SLC12A2: variants seen among roughly 807,000 people sequenced by gnomAD.
The protein encoded by SLC12A2 is solute carrier family 12 member 2, also known as Na-K-2Cl cotransporter 1.
SLC12A2 carries 67 observed loss-of-function variants against 136.3 expected under a neutral mutation model. The ratio of observed to expected loss-of-function variants is 0.49; its 90% CI spans 0.40 to 0.60. SLC12A2 has a LOEUF of 0.60. Ranked by LOEUF, SLC12A2 falls within the 20% of genes least tolerant of loss-of-function variation. The pLI, the probability that SLC12A2 is intolerant of heterozygous loss-of-function variation, is 0.00. For synonymous variants in SLC12A2, 619 were observed against 562.9 expected (o/e 1.10, Z -1.41); for missense variants, 1,322 against 1,534.7 (o/e 0.86, Z 2.32).
At chr5:128,120,337 G>GGGTAAAT (rs1332007659) in intron 4 of SLC12A2, among the ~76,000 whole-genome samples, 1 of 118,684 alleles carries the variant, frequency 8.4e-6, no homozygotes, top group African/African-American at 3.3e-5. Context: ...AATACCATTT[G>GGGTAAAT]ACCCAGCCAT....
chr5:128,107,041 A>G (rs1760963572), intron 1 of SLC12A2, among the ~76,000 whole-genome samples: 1 of 152,090 alleles, frequency 6.6e-6, no homozygotes. Context: ...ATGGTGAAAG[A>G]TAAGGGAACT....
At chr5:128,130,859 A>G (rs890441709) in intron 4 of SLC12A2, among the ~76,000 whole-genome samples, 2 of 152,186 alleles carry the variant, frequency 1.3e-5, no homozygotes, top group African/African-American at 4.8e-5. Context: ...TATTGGGAGC[A>G]TTATCTGGAT....
Position 128,084,247 on chromosome 5 carries a change from C to A in SLC12A2, c.293C>A (p.Ala98Glu). ...ENAGRAAAAAAAAAAAAAAAG... is the reference protein window; with the variant it reads ...ENAGRAAAAAEAAAAAAAAAG... ...GCCGGGCGGGCCGCTGCTGCGGCGG[C>A]GGCGGCGGCGGCGGCAGCGGCGGCG... The change falls in exon 1 of 27, where the codon GCG becomes GAG. Residue 98 changes from alanine (A) to glutamate (E), a missense_variant. Physicochemically the swap from Ala to Glu is moderately radical, Grantham distance 107 (BLOSUM62 -1). Transcript: ENST00000262461. This position sits in a 1 kb window ranked among gnomAD's most constrained non-coding sequence, Gnocchi z 5.6. 1 of 1,232,142 alleles carries A rather than the reference C, an allele frequency of 8.1e-7. No homozygotes were observed. The highest frequency in any genetic ancestry group is 1.0e-6 in the Non-Finnish European group (1 of 982,098). The allele number at this position is 1,232,142 out of a possible 1,614,324, so 76.3% of individuals were successfully genotyped here. A position where few individuals can be genotyped will look rare whatever the true frequency, so the allele number is the denominator to read the frequency against.
intron 19 of SLC12A2, among the ~76,000 whole-genome samples, chr5:128,172,215 A>G (rs1355506685): frequency 6.6e-6 from 1 of 152,176 alleles, no homozygotes; most frequent in Non-Finnish European, 1.5e-5. Flanking sequence ...TTTTTAATTT[A>G]AAAATATTTA....
intron 4 of SLC12A2, among the ~76,000 whole-genome samples, chr5:128,119,142 A>G (rs1235731991): frequency 1.3e-5 from 2 of 152,120 alleles, no homozygotes; most frequent in Admixed American, 6.5e-5. Flanking sequence ...CCTACCTTGT[A>G]AGGGCTACTT....
At position 128,136,975 on chromosome 5, in the gene SLC12A2, C is replaced by T. The variant is rs534134865; in HGVS notation, c.1408+1167C>T. Among the ~76,000 whole-genome samples, 8 of 152,184 alleles carry T rather than the reference C, an allele frequency of 5.3e-5. No homozygotes were observed. In the East Asian group the frequency reaches 1.2e-3, roughly 22 times the overall value. ...CTGAAACCAGGATCTTAGTGTTTCCCGTCCTACCTGCTCCTCTTAATTTCT... is the reference window on the plus strand; with the variant it reads ...CTGAAACCAGGATCTTAGTGTTTCCTGTCCTACCTGCTCCTCTTAATTTCT... On this transcript the variant is annotated intron_variant, in intron 7 of 26. Transcript: ENST00000262461.
intron 16 of SLC12A2, among the ~76,000 whole-genome samples, chr5:128,158,784 T>A (rs977874745): frequency 2.6e-5 from 4 of 152,158 alleles, no homozygotes; most frequent in Non-Finnish European, 5.9e-5. Flanking sequence ...CAAACTGCTT[T>A]CCATAGTGGC....
At chr5:128,089,668 T>C (rs973983477) in intron 1 of SLC12A2, among the ~76,000 whole-genome samples, 2 of 152,238 alleles carry the variant, frequency 1.3e-5, no homozygotes, top group African/African-American at 4.8e-5. Context: ...CACTAGCATC[T>C]GTATAAGTGT....
At chr5:128,099,260 ATGT>A (rs1760659249) in intron 1 of SLC12A2, among the ~76,000 whole-genome samples, 6 of 152,172 alleles carry the variant, frequency 3.9e-5, no homozygotes, top group Admixed American at 3.3e-4. Context: ...TCTGTACAGC[ATGT>A]TACTGTACAT....
chr5:128,171,642 T>A (rs774385227), intron 18 of SLC12A2, 25 bp from the exon 19 acceptor site: 1 of 1,519,106 alleles, frequency 6.6e-7, no homozygotes, highest in Admixed American at 2.2e-5. Context: ...TTTGGTTTTT[T>A]CATTTTTTGT....
In SLC12A2 at chr5:128,104,654, T is replaced by TATATATAG. The variant is rs1014170798; in HGVS notation, c.757-8138_757-8131dup. 1.3e-4 allele frequency among the ~76,000 whole-genome samples: 17 copies of TATATATAG among 135,970 alleles called. No individual in the cohort carries two copies. In the South Asian group the frequency reaches 1.3e-3, roughly 11 times the overall value. 89.2% of individuals were successfully genotyped at this position (135,970 alleles called of 152,430 possible). On this transcript the variant is annotated intron_variant, in intron 1 of 26. Coordinates refer to ENST00000262461, the MANE Select transcript of SLC12A2 (RefSeq NM_001046.3). Reference sequence around the variant, plus strand: ...CTCAAAAAAAAGAAAAAAAAATATATATATATAGATATATAGATATATAGA... The same window carrying TATATATAG: ...CTCAAAAAAAAGAAAAAAAAATATATATATATAGATATATAGATATATAGATATATAGA...
At position 128,180,919 on chromosome 5, in the gene SLC12A2, A is replaced by C; in HGVS notation, c.3137A>C (p.Lys1046Thr). The C allele has an allele frequency of 1.9e-6, 3 of 1,612,226 alleles. No homozygotes were observed. The South Asian group carries it at 3.3e-5, about 18-fold the overall frequency. Residue 1046 changes from lysine (K) to threonine (T), a missense_variant, in exon 23 of 27, where the codon AAG (lysine) becomes ACG (threonine). Physicochemically the swap from Lys to Thr is moderately conservative, Grantham distance 78. Around this residue, in one of 8 missense-constraint regions of SLC12A2, gnomAD observed 172 missense variants for 227.4 expected, o/e 0.76. Coordinates refer to ENST00000262461, the MANE Select transcript of SLC12A2 (RefSeq NM_001046.3). Reference sequence around the variant, plus strand: ...TTGATACCTTACCTTCTGACGACCAAGAAAAAATGGAAAGACTGTAAGATC... The same window carrying C: ...TTGATACCTTACCTTCTGACGACCACGAAAAAATGGAAAGACTGTAAGATC... The part of the protein sequence containing the change: ...TLLIPYLLTT[K>T]KKWKDCKIRV...
Position 128,110,644 on chromosome 5 carries a change from G to A in SLC12A2, c.757-2170G>A, listed in dbSNP as rs748145210. 6 of 1,143,994 alleles carry A rather than the reference G, an allele frequency of 5.2e-6. No homozygotes were observed. The East Asian group carries it at 1.2e-4, about 22-fold the overall frequency. 70.9% of individuals were successfully genotyped at this position (1,143,994 alleles called of 1,614,324 possible). On this transcript the variant is annotated intron_variant, in intron 1 of 26. Coordinates refer to ENST00000262461, the MANE Select transcript of SLC12A2 (RefSeq NM_001046.3). ...ATATTTACTAGTTAGTGACAGTGTTGTGCTGAAGCCAAGACTCCGTCTACT... is the reference window on the plus strand; with the variant it reads ...ATATTTACTAGTTAGTGACAGTGTTATGCTGAAGCCAAGACTCCGTCTACT...
intron 4 of SLC12A2, among the ~76,000 whole-genome samples, chr5:128,119,018 T>A (rs1761456543): frequency 6.6e-6 from 1 of 152,146 alleles, no homozygotes; most frequent in South Asian, 2.1e-4. Context: ...AATGTGTAGG[T>A]ATGAGTTTTG....
chr5:128,176,330 G>A (rs1763540605), intron 20 of SLC12A2, among the ~76,000 whole-genome samples: 1 of 151,928 alleles, frequency 6.6e-6, no homozygotes, highest in African/African-American at 2.4e-5. Flanking sequence ...TAAATGTAGA[G>A]GTAAGATTGC....
At chr5:128,142,431 A>G (rs1386352223) in intron 10 of SLC12A2, among the ~76,000 whole-genome samples, 1 of 152,118 alleles carries the variant, frequency 6.6e-6, no homozygotes, top group Non-Finnish European at 1.5e-5. Flanking sequence ...CTAAAACTGT[A>G]AATATCTAAT....
chr5:128,084,167 C>A lies in SLC12A2; in HGVS notation c.213C>A (p.Pro71=). ...PAAAGDGLGR[P]LGPTPSQSRF... ...CGGCCGGGGACGGGCTGGGCAGACC[C>A]TTGGGGCCCACCCCGAGCCAGAGCC... The change falls in exon 1 of 27, where the codon CCC becomes CCA. Residue 71 remains proline, a synonymous_variant. Transcript: ENST00000262461. This position sits in a 1 kb window ranked among gnomAD's most constrained non-coding sequence, Gnocchi z 5.6. 7.7e-7 allele frequency: 1 copy of A among 1,297,252 alleles called. No individual in the cohort carries two copies. The allele number at this position is 1,297,252 out of a possible 1,614,324, so 80.4% of individuals were successfully genotyped here.
intron 5 of SLC12A2, among the ~76,000 whole-genome samples, chr5:128,132,721 T>C (rs558239504): frequency 6.6e-6 from 1 of 152,250 alleles, no homozygotes; most frequent in East Asian, 1.9e-4. Context: ...TGCGTTGACA[T>C]TGACCTTTAC....
intron 1 of SLC12A2, among the ~76,000 whole-genome samples, chr5:128,095,139 C>T (rs1191162014): frequency 6.6e-6 from 1 of 152,106 alleles, no homozygotes; most frequent in Non-Finnish European, 1.5e-5. Context: ...ATAAAAGTGT[C>T]TGGAACATTA....
Sources: allele counts gnomAD v4.1 joint callset (sites outside exome capture counted in the v4.1 genomes callset), GRCh38; gene constraint gnomAD v4.1.1; regional missense constraint gnomAD v4.1.1; non-coding constraint Gnocchi (gnomAD v3.1); transcripts MANE v1.5; gene names NCBI Gene and HGNC (gene_info 2026-07-23, HGNC 2026-07-21).